Variants in RIC1 observed in about 807,000 individuals in gnomAD.
RIC1 encodes guanine nucleotide exchange factor subunit RIC1.
A neutral mutation model predicts 169.0 loss-of-function variants in RIC1; 88 were observed. The ratio of observed to expected loss-of-function variants is 0.52; its 90% CI spans 0.44 to 0.62. The LOEUF (loss-of-function observed/expected upper bound fraction) is 0.62, where lower values mean the gene tolerates loss of function less well. Among genes scored for constraint, RIC1 ranks in the 20% least tolerant of loss-of-function variants. The pLI is 0.00. For missense variants in RIC1, 1,877 were observed against 1,725.5 expected, an observed-to-expected ratio of 1.09 and a Z score of -1.56; for synonymous variants, 790 against 601.5, an observed-to-expected ratio of 1.31 and a Z score of -4.59.
At chr9:5,760,817 A>G (rs930813521) in intron 17 of RIC1, among the ~76,000 whole-genome samples, 2 of 152,166 alleles carry the variant, frequency 1.3e-5, no homozygotes, top group Non-Finnish European at 2.9e-5. Flanking sequence ...TGCAACTAGA[A>G]TATATAGGGT....
chr9:5,643,307 A>G (rs1488132159), intron 1 of RIC1, among the ~76,000 whole-genome samples: 2 of 152,128 alleles, frequency 1.3e-5, no homozygotes, highest in Non-Finnish European at 2.9e-5. Context: ...TTTTTCTTCT[A>G]TGGCTTTCTT....
At chr9:5,638,934 G>A (rs934429217) in intron 1 of RIC1, among the ~76,000 whole-genome samples, 12 of 152,042 alleles carry the variant, frequency 7.9e-5, no homozygotes, top group African/African-American at 2.9e-4. Context: ...CTTGTTTTCT[G>A]AGACAGGGTC....
chr9:5,650,060 C>T (rs1429832381), intron 1 of RIC1, among the ~76,000 whole-genome samples: 3 of 152,148 alleles, frequency 2.0e-5, no homozygotes, highest in Non-Finnish European at 2.9e-5. Context: ...AGTCCTTGGG[C>T]ACCAGTGGTG....
At chr9:5,727,816 C>G (rs1443463970) in intron 6 of RIC1, among the ~76,000 whole-genome samples, 1 of 152,176 alleles carries the variant, frequency 6.6e-6, no homozygotes, top group Non-Finnish European at 1.5e-5. Flanking sequence ...CACTCCAGAC[C>G]CTGTTTGCCT....
intron 18 of RIC1, among the ~76,000 whole-genome samples, chr9:5,762,912 T>G (rs1826434891): frequency 6.6e-6 from 1 of 152,122 alleles, no homozygotes; most frequent in Admixed American, 6.5e-5. Context: ...ATGGAAAAAA[T>G]AGGGATAGAC....
intron 3 of RIC1, among the ~76,000 whole-genome samples, chr9:5,704,440 G>A (rs1232405837): frequency 6.6e-6 from 1 of 151,762 alleles, no homozygotes; most frequent in Non-Finnish European, 1.5e-5. Context: ...TCAAACTCCT[G>A]GGCTCAAGCA....
intron 21 of RIC1, among the ~76,000 whole-genome samples, chr9:5,766,076 C>G (rs755736070): frequency 5.3e-5 from 8 of 152,210 alleles, no homozygotes; most frequent in Non-Finnish European, 1.2e-4. Flanking sequence ...GAGTCTCACT[C>G]TGTCACCCAG....
At chr9:5,772,524 T>G in intron 23 of RIC1, 40 bp from the exon 24 acceptor site, 5 of 1,476,114 alleles carry the variant, frequency 3.4e-6, no homozygotes, top group Non-Finnish European at 4.6e-6. Flanking sequence ...ATATATTTTC[T>G]CCACGAAGTT....
intron 3 of RIC1, among the ~76,000 whole-genome samples, chr9:5,702,902 G>A (rs114999336): frequency 0.011 from 1,731 of 152,242 alleles, 47 homozygotes; most frequent in African/African-American, 0.04. Flanking sequence ...CACAAGAACA[G>A]CACCAAAGGG....
intron 3 of RIC1, among the ~76,000 whole-genome samples, chr9:5,704,042 GT>G (rs71487827): frequency 0.35 from 51,547 of 147,830 alleles, 12,072 homozygotes; most frequent in African/African-American, 0.67. Flanking sequence ...TATTTTCTGG[GT>G]TTTTTTTTTT....
At chr9:5,769,583 C>G in intron 22 of RIC1, 1 of 693,754 alleles carries the variant, frequency 1.4e-6, no homozygotes, top group East Asian at 3.9e-5. Flanking sequence ...ATCAGATAGA[C>G]ATGGACCTCA....
chr9:5,763,928 A>G lies in RIC1; in HGVS notation c.2841+60A>G. On this transcript the variant is annotated intron_variant, in intron 19 of 25. Coordinates refer to ENST00000414202, the MANE Select transcript of RIC1 (RefSeq NM_020829.4). The surrounding 1 kb of genome is among the most constrained non-coding windows in gnomAD (Gnocchi z 5.2). Reference sequence around the variant, plus strand: ...AATGAGCTTAAACTTAGAAAAATAGAAATGTCCTGTTTTGACACCATGATT... The same window carrying G: ...AATGAGCTTAAACTTAGAAAAATAGGAATGTCCTGTTTTGACACCATGATT... 2.7e-6 allele frequency: 4 copies of G among 1,505,646 alleles called. No homozygotes were observed. Among genetic ancestry groups the G allele is most frequent in the Non-Finnish European group, 3.6e-6 (4 of 1,120,366 alleles). 93.3% of individuals were successfully genotyped at this position (1,505,646 alleles called of 1,614,324 possible).
Position 5,776,231 on chromosome 9 carries a change from G to A in RIC1, c.*1985G>A, listed in dbSNP as rs1827576301. 6.6e-6 allele frequency: 1 copy of A among 152,072 alleles called. No individual in the cohort carries two copies. Among genetic ancestry groups the A allele is most frequent in the Non-Finnish European group, 1.5e-5 (1 of 67,964 alleles). 9.4% of individuals were successfully genotyped at this position (152,072 alleles called of 1,614,324 possible). On this transcript the variant is annotated 3_prime_UTR_variant, in exon 26 of 26. Coordinates refer to ENST00000414202, the MANE Select transcript of RIC1 (RefSeq NM_020829.4). Reference sequence around the variant, plus strand: ...CTTTTACAACTAATAGAGATAGGAGGCCCCCAGGCAAGAAGTTTGGCAGGT... The same window carrying A: ...CTTTTACAACTAATAGAGATAGGAGACCCCCAGGCAAGAAGTTTGGCAGGT...
chr9:5,640,475 C>A (rs368039154), intron 1 of RIC1, among the ~76,000 whole-genome samples: 1 of 152,098 alleles, frequency 6.6e-6, no homozygotes, highest in East Asian at 1.9e-4. Context: ...TGTACTATGT[C>A]TTGAAAAGTT....
chr9:5,641,637 AT>A (rs1818254829), intron 1 of RIC1, among the ~76,000 whole-genome samples: 2 of 115,274 alleles, frequency 1.7e-5, no homozygotes, highest in African/African-American at 1.0e-4. Context: ...TCCTCTGACT[AT>A]ATTGTCAAGT....
rs746845932 is a variant in RIC1, at chr9:5,753,518, A to AT, written c.1492-7dup. 0.015 allele frequency: 18,139 copies of AT among 1,189,828 alleles called. No individual in the cohort carries two copies. Among genetic ancestry groups the AT allele is most frequent in the South Asian group, 0.017 (1,101 of 63,284 alleles). 73.7% of individuals were successfully genotyped at this position (1,189,828 alleles called of 1,614,324 possible). Reference sequence around the variant, plus strand: ...TATAGGTTTGCAAGGAAAAGTTCTTATTTTTTTTTTTAAACAGTTTTCAGC... The same window carrying AT: ...TATAGGTTTGCAAGGAAAAGTTCTTATTTTTTTTTTTTAAACAGTTTTCAGC... On this transcript the variant is annotated splice_polypyrimidine_tract_variant and intron_variant, in intron 13 of 25. Coordinates refer to ENST00000414202, the MANE Select transcript of RIC1 (RefSeq NM_020829.4).
At chr9:5,704,989 A>T (rs778713792) in intron 3 of RIC1, among the ~76,000 whole-genome samples, 1 of 152,158 alleles carries the variant, frequency 6.6e-6, no homozygotes, top group Admixed American at 6.5e-5. Flanking sequence ...CAGGTTTATT[A>T]TTAGGCTCTT....
chr9:5,776,334 A>T lies in RIC1; in HGVS notation c.*2088A>T, dbSNP rs1827584520. 6.6e-6 allele frequency: 1 copy of T among 152,166 alleles called. No individual in the cohort carries two copies. The highest frequency in any genetic ancestry group is 1.5e-5 in the Non-Finnish European group (1 of 67,988). The allele number at this position is 152,166 out of a possible 1,614,324, so 9.4% of individuals were successfully genotyped here. A position where few individuals can be genotyped will look rare whatever the true frequency, so the allele number is the denominator to read the frequency against. ...ATTTTTATTGTGGTGTTTGGTTCAC[A>T]TATCAACTGTTTAAGCCATAATTTT... is the stretch of plus-strand genomic sequence containing the variant. On this transcript the variant is annotated 3_prime_UTR_variant, in exon 26 of 26. Coordinates refer to ENST00000414202, the MANE Select transcript of RIC1 (RefSeq NM_020829.4).
At chr9:5,696,274 A>G (rs1319217614) in intron 3 of RIC1, among the ~76,000 whole-genome samples, 5 of 151,814 alleles carry the variant, frequency 3.3e-5, no homozygotes, top group Admixed American at 6.6e-5. Context: ...TTTTTTTCCA[A>G]AACGAAGTCC....
Sources: gnomAD v4.1 joint callset for allele counts (sites outside exome capture counted in the v4.1 genomes callset) on GRCh38, gnomAD v4.1.1 for gene constraint, Gnocchi (gnomAD v3.1) non-coding constraint, MANE v1.5 for transcripts, NCBI Gene and HGNC (gene_info 2026-07-23, HGNC 2026-07-21) for gene names.